SAMD12: variants seen among roughly 807,000 people sequenced by gnomAD.
SAMD12 encodes sterile alpha motif domain-containing protein 12.
In SAMD12, 9 loss-of-function variants were observed where a neutral mutation model predicts 15.0. The observed-to-expected ratio is 0.60, with a 90% CI of 0.36 to 1.05. SAMD12 has a LOEUF of 1.05. Ranked by LOEUF, SAMD12 falls within the 50% of genes least tolerant of loss-of-function variation. The pLI, the probability that SAMD12 is intolerant of heterozygous loss-of-function variation, is 0.01. For synonymous variants in SAMD12, 86 were observed against 90.1 expected (o/e 0.96, Z 0.25); for missense variants, 230 against 234.2 (o/e 0.98, Z 0.12).
chr8:118,486,513 G>A (rs1824291044), intron 2 of SAMD12, among the ~76,000 whole-genome samples: 1 of 151,754 alleles, frequency 6.6e-6, no homozygotes, highest in African/African-American at 2.4e-5. Context: ...TAGAAGGAGG[G>A]GCCAGGAGCC....
intron 1 of SAMD12, among the ~76,000 whole-genome samples, chr8:118,615,946 G>A (rs913924541): frequency 3.3e-5 from 5 of 152,206 alleles, no homozygotes; most frequent in African/African-American, 4.8e-5. Flanking sequence ...CTAGGTTGGA[G>A]GCCCCATTCT....
chr8:118,615,204 G>A (rs544142696), intron 1 of SAMD12, among the ~76,000 whole-genome samples: 76 of 152,124 alleles, frequency 5.0e-4, no homozygotes, highest in African/African-American at 1.7e-3. Context: ...CCCTTTCCCC[G>A]ATTCCCACCC....
intron 2 of SAMD12, among the ~76,000 whole-genome samples, chr8:118,483,412 C>T (rs1824185607): frequency 6.6e-6 from 1 of 152,166 alleles, no homozygotes; most frequent in African/African-American, 2.4e-5. Context: ...ACATTTATTG[C>T]CCTGCTTGTG....
the SAMD12 span, among the ~76,000 whole-genome samples, chr8:118,132,520 C>A: frequency 6.6e-6 from 1 of 152,164 alleles, no homozygotes; most frequent in Non-Finnish European, 1.5e-5. Flanking sequence ...CTCCCCACAA[C>A]TGCTTCATAG....
intron 4 of SAMD12, among the ~76,000 whole-genome samples, chr8:118,331,585 A>G (rs79197294): frequency 0.017 from 2,549 of 152,322 alleles, 77 homozygotes; most frequent in African/African-American, 0.057. Flanking sequence ...GAAGGCAGCA[A>G]GAAGATATTT....
intron 2 of SAMD12, among the ~76,000 whole-genome samples, chr8:118,478,809 TCC>T (rs1267561029): frequency 6.6e-6 from 1 of 152,182 alleles, no homozygotes; most frequent in Non-Finnish European, 1.5e-5. Flanking sequence ...GTGCTGTTTC[TCC>T]CCAGCAGTGA....
chr8:118,554,690 A>T (rs926212758), intron 2 of SAMD12, among the ~76,000 whole-genome samples: 1 of 151,972 alleles, frequency 6.6e-6, no homozygotes, highest in Non-Finnish European at 1.5e-5. Context: ...AATAAAAAAG[A>T]ACTAAAAAAA....
At chr8:118,484,682 C>T (rs182822990) in intron 2 of SAMD12, among the ~76,000 whole-genome samples, 1 of 152,164 alleles carries the variant, frequency 6.6e-6, no homozygotes, top group Admixed American at 6.5e-5. Flanking sequence ...CCTCATAAAA[C>T]CAACAGCTAT....
chr8:118,407,840 A>G (rs919752103), intron 3 of SAMD12, among the ~76,000 whole-genome samples: 4 of 152,100 alleles, frequency 2.6e-5, no homozygotes, highest in Non-Finnish European at 5.9e-5. Context: ...ACATTCCCTG[A>G]GGAACATGGA....
At chr8:118,577,796 T>C (rs937222648) in intron 2 of SAMD12, among the ~76,000 whole-genome samples, 4 of 152,092 alleles carry the variant, frequency 2.6e-5, no homozygotes, top group Non-Finnish European at 5.9e-5. Flanking sequence ...AACTCACTTC[T>C]CTGACAAATA....
intron 4 of SAMD12, among the ~76,000 whole-genome samples, chr8:118,362,568 A>C (rs1818560574): frequency 6.6e-6 from 1 of 152,232 alleles, no homozygotes; most frequent in African/African-American, 2.4e-5. Context: ...TAGTTTTCAG[A>C]ATCTCCATAT....
rs1045849244 is a variant in SAMD12 at position 118,331,687 on chromosome 8, A to C, written c.433+47873T>G. ...AAATGGAGGCACATGAACATTTTAA[A>C]ATAACAATTTCTAAGAAGAATGTAA... is the stretch of plus-strand genomic sequence containing the variant. On this transcript the variant is annotated intron_variant, in intron 4 of 4. Coordinates refer to the SAMD12 transcript ENST00000409003. 1.8e-4 allele frequency among the ~76,000 whole-genome samples: 27 copies of C among 152,352 alleles called. 1 individual carries two copies. In the South Asian group the frequency reaches 4.8e-3, roughly 27 times the overall value.
intron 2 of SAMD12, among the ~76,000 whole-genome samples, chr8:118,544,993 TC>T (rs1465723105): frequency 6.6e-6 from 1 of 152,192 alleles, no homozygotes; most frequent in Non-Finnish European, 1.5e-5. Flanking sequence ...TCACTGGTTT[TC>T]AAATTGTTTC....
chr8:118,554,064 A>G (rs1465630182), intron 2 of SAMD12, among the ~76,000 whole-genome samples: 1 of 151,932 alleles, frequency 6.6e-6, no homozygotes, highest in Non-Finnish European at 1.5e-5. Flanking sequence ...GAGAAATAGG[A>G]ACACTTTTAC....
At chr8:118,554,911 T>A (rs1051896176) in intron 2 of SAMD12, among the ~76,000 whole-genome samples, 4 of 152,180 alleles carry the variant, frequency 2.6e-5, no homozygotes, top group Admixed American at 6.5e-5. Flanking sequence ...GCCAATTTTT[T>A]AAATTAGTCT....
rs185070809 is a variant in SAMD12 at position 118,399,750 on chromosome 8, G to C, written c.323-20050C>G. On this transcript the variant is annotated intron_variant, in intron 3 of 3. Coordinates refer to ENST00000314727, the MANE Select transcript of SAMD12 (RefSeq NM_207506.3). Reference sequence around the variant, plus strand: ...AAAGTAGATTTCCTTCTCTGAGCCTGCTTCATGGGGAACCAAAGCACTGGC... The same window carrying C: ...AAAGTAGATTTCCTTCTCTGAGCCTCCTTCATGGGGAACCAAAGCACTGGC... 4.2e-3 allele frequency among the ~76,000 whole-genome samples: 637 copies of C among 152,272 alleles called. 25 individuals are homozygous for C. Among genetic ancestry groups the C allele is most frequent in the Admixed American group, 0.04 (609 of 15,292 alleles).
chr8:118,225,538 A>T (rs2514969), intron 4 of SAMD12, among the ~76,000 whole-genome samples: 125,673 of 152,020 alleles, frequency 0.83, 53,273 homozygotes, highest in Non-Finnish European at 0.92. Flanking sequence ...ATCATTAAGT[A>T]CCTAACTGTT....
At chr8:118,526,893 TGA>T (rs1324909457) in intron 2 of SAMD12, among the ~76,000 whole-genome samples, 4 of 152,214 alleles carry the variant, frequency 2.6e-5, no homozygotes, top group African/African-American at 9.6e-5. Context: ...ATCAGGAATT[TGA>T]GAGTCAGTTT....
chr8:118,579,804 T>C (rs570497314), intron 2 of SAMD12, among the ~76,000 whole-genome samples: 180 of 152,306 alleles, frequency 1.2e-3, no homozygotes, highest in African/African-American at 4.0e-3. Flanking sequence ...CAAAACTATA[T>C]GAAGATTAAT....
Sources: allele counts gnomAD v4.1 joint callset (sites outside exome capture counted in the v4.1 genomes callset), GRCh38; gene constraint gnomAD v4.1.1; transcripts MANE v1.5; gene names NCBI Gene and HGNC (gene_info 2026-07-23, HGNC 2026-07-21).